SERGEF: variants seen among roughly 807,000 people sequenced by gnomAD.
SERGEF encodes secretion regulating guanine nucleotide exchange factor.
A neutral mutation model predicts 50.0 loss-of-function variants in SERGEF; 51 were observed. The observed-to-expected ratio is 1.02, with a 90% CI of 0.81 to 1.29. The LOEUF (loss-of-function observed/expected upper bound fraction) is 1.29. Among genes scored for constraint, SERGEF ranks in the 50% most tolerant of loss-of-function variants. SERGEF has a pLI of 0.00. For missense variants in SERGEF, 521 were observed against 557.0 expected, an observed-to-expected ratio of 0.94 and a Z score of 0.65; for synonymous variants, 205 against 212.4, an observed-to-expected ratio of 0.97 and a Z score of 0.30.
chr11:17,861,316 T>C (rs1313554513), intron 10 of SERGEF, among the ~76,000 whole-genome samples: 1 of 152,234 alleles, frequency 6.6e-6, no homozygotes, highest in African/African-American at 2.4e-5. Flanking sequence ...AAGCTATTAT[T>C]ATCTCAGTCT....
At chr11:17,832,901 GT>G (rs2133855407) in intron 10 of SERGEF, among the ~76,000 whole-genome samples, 1 of 152,352 alleles carries the variant, frequency 6.6e-6, no homozygotes, top group Non-Finnish European at 1.5e-5. Context: ...TGACTTGGGT[GT>G]TGTTAAAATC....
chr11:17,873,661 TGGAGGAGGAGGA>T (rs145195114), intron 10 of SERGEF, among the ~76,000 whole-genome samples: 1 of 148,146 alleles, frequency 6.8e-6, no homozygotes, highest in African/African-American at 2.5e-5. Flanking sequence ...TGGCTCTGCT[TGGAGGAGGAGGA>T]GGAGGAGGAG....
chr11:17,919,645 C>T (rs2133937840), intron 9 of SERGEF, among the ~76,000 whole-genome samples: 1 of 152,290 alleles, frequency 6.6e-6, no homozygotes, highest in Non-Finnish European at 1.5e-5. Flanking sequence ...TCCCTGAACT[C>T]ATCCTCTCTT....
rs1208867443 is a variant in SERGEF at position 17,884,406 on chromosome 11, G to A, written c.1012-6162C>T. On this transcript the variant is annotated intron_variant, in intron 9 of 10. Transcript: ENST00000265965. The surrounding 1 kb of genome is among the most constrained non-coding windows in gnomAD (Gnocchi z 4.6). ...GCGCCGCCTGGGTTAACAGGGCGAGGGAATGGGCGTCTCGGTGCCGCCTTT... is the reference window on the plus strand; with the variant it reads ...GCGCCGCCTGGGTTAACAGGGCGAGAGAATGGGCGTCTCGGTGCCGCCTTT... 6.6e-6 allele frequency among the ~76,000 whole-genome samples: 1 copy of A among 152,192 alleles called. No individual in the cohort carries two copies. The highest frequency in any genetic ancestry group is 2.4e-5 in the African/African-American group (1 of 41,448).
intron 10 of SERGEF, among the ~76,000 whole-genome samples, chr11:17,869,352 T>G (rs1305307560): frequency 6.6e-6 from 1 of 152,220 alleles, no homozygotes; most frequent in Non-Finnish European, 1.5e-5. Context: ...CTAATCTCCC[T>G]AATATGTAAA....
chr11:17,868,100 T>C (rs1218219009), intron 10 of SERGEF, among the ~76,000 whole-genome samples: 1 of 152,240 alleles, frequency 6.6e-6, no homozygotes, highest in Admixed American at 6.5e-5. Context: ...CTTATGCAAA[T>C]TTCTGCAACT....
Position 17,788,414 on chromosome 11 carries a change from C to A in SERGEF, c.1049-1G>T. 1.9e-6 allele frequency: 3 copies of A among 1,598,644 alleles called. No individual in the cohort carries two copies. The highest frequency in any genetic ancestry group is 2.6e-6 in the Non-Finnish European group (3 of 1,168,816). On this transcript the variant is annotated splice_acceptor_variant, in intron 10 of 10. Transcript: ENST00000265965. LOFTEE classifies it high-confidence loss of function. ...CAGCCCCAAGAGTAACACACTCCACCTGTGAAGGAGAGGGAAGACTGCTGT... is the reference window on the plus strand; with the variant it reads ...CAGCCCCAAGAGTAACACACTCCACATGTGAAGGAGAGGGAAGACTGCTGT...
chr11:17,935,920 G>A (rs1254173448), intron 9 of SERGEF, among the ~76,000 whole-genome samples: 9 of 152,158 alleles, frequency 5.9e-5, no homozygotes, highest in Non-Finnish European at 5.9e-5. Flanking sequence ...GAGGGAGCAG[G>A]ATTAGAGGTT....
At chr11:17,975,880 A>G (rs1247696326) in intron 8 of SERGEF, among the ~76,000 whole-genome samples, 1 of 152,118 alleles carries the variant, frequency 6.6e-6, no homozygotes, top group Non-Finnish European at 1.5e-5. Context: ...TCCCACTTCT[A>G]TAGATTTTTT....
At chr11:17,993,105 G>A in intron 6 of SERGEF, 112 bp from the exon 7 acceptor site, 2 of 786,824 alleles carry the variant, frequency 2.5e-6, no homozygotes, top group South Asian at 3.1e-5. Context: ...GCCAGTGCAG[G>A]CAGGCCTGAG....
intron 9 of SERGEF, among the ~76,000 whole-genome samples, chr11:17,944,310 A>C (rs1451955141): frequency 1.3e-5 from 2 of 152,152 alleles, no homozygotes; most frequent in African/African-American, 4.8e-5. Context: ...TTGCCACCAA[A>C]ATTGACATCA....
chr11:17,961,923 G>T (rs1424106544), intron 8 of SERGEF, among the ~76,000 whole-genome samples: 1 of 151,990 alleles, frequency 6.6e-6, no homozygotes, highest in Admixed American at 6.6e-5. Context: ...CTCTTCCCAG[G>T]TACCCAGTAC....
chr11:17,856,169 T>G (rs1850814560), intron 10 of SERGEF: 2 of 152,294 alleles, frequency 1.3e-5, no homozygotes, highest in Admixed American at 1.3e-4. Context: ...CACTGACAAT[T>G]TAAAGGCAAT....
At chr11:18,007,588 A>G (rs1478992747) in intron 2 of SERGEF, among the ~76,000 whole-genome samples, 1 of 152,172 alleles carries the variant, frequency 6.6e-6, no homozygotes, top group African/African-American at 2.4e-5. Flanking sequence ...TTTTGCTCTC[A>G]AGGAATATCC....
chr11:17,873,628 T>C (rs1277024958), intron 10 of SERGEF, among the ~76,000 whole-genome samples: 1 of 151,988 alleles, frequency 6.6e-6, no homozygotes, highest in Non-Finnish European at 1.5e-5. Context: ...GCATATATTA[T>C]AGCTCCAATT....
chr11:17,862,770 C>T (rs1047250986), intron 10 of SERGEF, among the ~76,000 whole-genome samples: 59 of 152,180 alleles, frequency 3.9e-4, no homozygotes, highest in Non-Finnish European at 1.2e-4. Flanking sequence ...GAAGCTAGTG[C>T]CTGTCTAAGG....
At chr11:18,010,115 T>C (rs1242186248) in intron 1 of SERGEF, 4 of 1,260,066 alleles carry the variant, frequency 3.2e-6, no homozygotes, top group Non-Finnish European at 4.2e-6. Context: ...TAAAATCTTT[T>C]AAATATGTTT....
chr11:17,854,020 CAAAAAAAAAAA>C (rs760808425), intron 10 of SERGEF: 3 of 54,676 alleles, frequency 5.5e-5, no homozygotes, highest in African/African-American at 1.5e-4. Context: ...GACACCGTCT[CAAAAAAAAAAA>C]AAAAAAAAAA....
intron 10 of SERGEF, among the ~76,000 whole-genome samples, chr11:17,857,817 A>T (rs1488655920): frequency 6.6e-6 from 1 of 152,212 alleles, no homozygotes; most frequent in Non-Finnish European, 1.5e-5. Flanking sequence ...GAGCAGTAGG[A>T]ACTTCCATTA....
Sources: allele counts gnomAD v4.1 joint callset (sites outside exome capture counted in the v4.1 genomes callset), GRCh38; gene constraint gnomAD v4.1.1; non-coding constraint Gnocchi (gnomAD v3.1); transcripts MANE v1.5; gene names NCBI Gene and HGNC (gene_info 2026-07-23, HGNC 2026-07-21).